Variants in HERC1 observed in about 807,000 individuals in gnomAD.
The protein encoded by HERC1 is probable E3 ubiquitin-protein ligase HERC1.
In HERC1, 160 loss-of-function variants were observed where a neutral mutation model predicts 554.3. The ratio of observed to expected loss-of-function variants is 0.29; its 90% CI spans 0.25 to 0.33. The LOEUF (loss-of-function observed/expected upper bound fraction) is 0.33, where lower values mean the gene tolerates loss of function less well. Among genes scored for constraint, HERC1 ranks in the 10% least tolerant of loss-of-function variants. The pLI is 1.00. For synonymous variants in HERC1, 2,175 were observed against 2,131.7 expected, an observed-to-expected ratio of 1.02 and a Z score of -0.56; for missense variants, 4,919 against 5,918.5, an observed-to-expected ratio of 0.83 and a Z score of 5.54.
intron 40 of HERC1, 66 bp downstream of exon 40, chr15:63,669,472 C>T: frequency 2.7e-6 from 4 of 1,459,368 alleles, no homozygotes; most frequent in Non-Finnish European, 3.8e-6. Context: ...ACAATGCCCA[C>T]ATAATAAAGT....
At position 63,780,707 on chromosome 15, in the gene HERC1, A is replaced by G. The variant is rs1027437883; in HGVS notation, c.-26-5058T>C. ...ACTGCACTCCAGCCTGGGCAACACA[A>G]TGAGACTCCGTTTCAAAAAAAAAAA... On this transcript the variant is annotated intron_variant, in intron 1 of 77. Coordinates refer to ENST00000443617, the MANE Select transcript of HERC1 (RefSeq NM_003922.4). 7.9e-5 allele frequency among the ~76,000 whole-genome samples: 12 copies of G among 151,970 alleles called. No homozygotes were observed. The East Asian group carries it at 1.9e-3, about 25-fold the overall frequency.
chr15:63,799,500 TAAA>T (rs886494086), intron 1 of HERC1, among the ~76,000 whole-genome samples: 1 of 138,886 alleles, frequency 7.2e-6, no homozygotes. Context: ...ACTCTGCCTC[TAAA>T]AAAAAAAAAA....
At chr15:63,682,608 C>A (rs927417216) in intron 34 of HERC1, among the ~76,000 whole-genome samples, 1 of 152,080 alleles carries the variant, frequency 6.6e-6, no homozygotes, top group Non-Finnish European at 1.5e-5. Flanking sequence ...CCCATCTCTA[C>A]AAAATATACA....
chr15:63,788,818 G>C (rs902724829), intron 1 of HERC1, among the ~76,000 whole-genome samples: 1 of 150,512 alleles, frequency 6.6e-6, no homozygotes, highest in Non-Finnish European at 1.5e-5. Flanking sequence ...TTGGAGGCTG[G>C]GGCAGGAGAT....
Position 63,610,229 on chromosome 15 carries a change from CTA to C in HERC1, c.14401-965_14401-964del, listed in dbSNP as rs1473810070. Among the ~76,000 whole-genome samples the C allele has an allele frequency of 2.0e-5, 3 of 152,242 alleles. No individual in the cohort carries two copies. In the East Asian group the frequency reaches 5.8e-4, roughly 29 times the overall value. On this transcript the variant is annotated intron_variant, in intron 77 of 77. Coordinates refer to ENST00000443617, the MANE Select transcript of HERC1 (RefSeq NM_003922.4). ...ACACCTAGGTAAGCCACATGTCCTG[CTA>C]TGGGAGGTGGATGGCCCAGCAGCCC...
At chr15:63,681,868 A>C (rs797003368) in intron 34 of HERC1, among the ~76,000 whole-genome samples, 44 of 152,296 alleles carry the variant, frequency 2.9e-4, no homozygotes, top group African/African-American at 9.9e-4. Flanking sequence ...AAGGAAGCCT[A>C]CAGGATTCTT....
chr15:63,640,122 G>A, intron 61 of HERC1, 30 bp downstream of exon 61: 1 of 1,601,780 alleles, frequency 6.2e-7, no homozygotes, highest in East Asian at 2.2e-5. Flanking sequence ...AATCTCAGCT[G>A]CAAATAATAG....
At chr15:63,667,562 T>C (rs1047918742) in intron 40 of HERC1, among the ~76,000 whole-genome samples, 4 of 152,032 alleles carry the variant, frequency 2.6e-5, no homozygotes, top group African/African-American at 7.2e-5. Context: ...CCAAAACAAA[T>C]AATAATTTAT....
At chr15:63,685,003 C>T (rs957975753) in intron 34 of HERC1, among the ~76,000 whole-genome samples, 3 of 152,094 alleles carry the variant, frequency 2.0e-5, no homozygotes, top group African/African-American at 4.8e-5. Context: ...AGCAAGACTC[C>T]GTCTCAACCA....
At position 63,692,698 on chromosome 15, in the gene HERC1, T is replaced by C. The variant is rs2072175458; in HGVS notation, c.5675-132A>G. The C allele has an allele frequency of 1.3e-6, 1 of 794,708 alleles. No individual in the cohort carries two copies. The highest frequency in any genetic ancestry group is 2.8e-5 in the East Asian group (1 of 35,690). The allele number at this position is 794,708 out of a possible 1,614,324, so 49.2% of individuals were successfully genotyped here. On this transcript the variant is annotated intron_variant, in intron 30 of 77. Transcript: ENST00000443617. The surrounding 1 kb of genome is among the most constrained non-coding windows in gnomAD (Gnocchi z 4.7). The stretch of plus-strand genomic sequence containing the variant: ...TCTTAGGCTGTCAGCTACTGAATTC[T>C]GAAAACTTAAAGAACAGAATGGGGA...
rs538672988 is a variant in HERC1 at position 63,692,260 on chromosome 15, T to C, written c.5830+151A>G. 11 of 539,464 alleles carry C rather than the reference T, an allele frequency of 2.0e-5. No homozygotes were observed. In the East Asian group the frequency reaches 2.8e-4, roughly 14 times the overall value. The allele number at this position is 539,464 out of a possible 1,614,324, so 33.4% of individuals were successfully genotyped here. On this transcript the variant is annotated intron_variant, in intron 31 of 77. Transcript: ENST00000443617. This position sits in a 1 kb window ranked among gnomAD's most constrained non-coding sequence, Gnocchi z 4.7. ...CCAATTTTTACTTCTGAAATTAGAG[T>C]TTTCTTTTGATCAAATAGGTACGCA... is the stretch of plus-strand genomic sequence containing the variant.
chr15:63,808,842 A>T (rs1012456883), intron 1 of HERC1, among the ~76,000 whole-genome samples: 2 of 152,164 alleles, frequency 1.3e-5, no homozygotes, highest in African/African-American at 4.8e-5. Context: ...TGTAGAAAAA[A>T]ATCACCTCCC....
In HERC1 at chr15:63,696,309, C is replaced by T. The variant is rs780370483; in HGVS notation, c.4936G>A (p.Val1646Ile). 1.2e-5 allele frequency: 19 copies of T among 1,612,462 alleles called. No individual in the cohort carries two copies. The highest frequency in any genetic ancestry group is 2.2e-5 in the East Asian group (1 of 44,834). ...TTTTCTTCCATCCCAGACAATAGAA[C>T]GAGGATCTGATGAAGTGCCTCTAAA... The part of the protein sequence containing the change: ...LRLEALHQIL[V>I]LLSGMEEKGS... Residue 1646 changes from valine (V) to isoleucine (I), a missense_variant, in exon 27 of 78, where the codon GTT becomes ATT. Around this residue, in one of 11 missense-constraint regions of HERC1, gnomAD observed 1,121 missense variants for 1,244.0 expected, o/e 0.90. Coordinates refer to ENST00000443617, the MANE Select transcript of HERC1 (RefSeq NM_003922.4).
intron 22 of HERC1, 90 bp from the exon 23 acceptor site, chr15:63,713,755 C>A: frequency 1.7e-6 from 2 of 1,159,326 alleles, no homozygotes; most frequent in Non-Finnish European, 2.4e-6. Flanking sequence ...AAGTTTGGAC[C>A]AAAAACTTAC....
chr15:63,624,005 T>A, intron 72 of HERC1, 115 bp from the exon 73 acceptor site: 1 of 1,295,434 alleles, frequency 7.7e-7, no homozygotes, highest in Non-Finnish European at 1.1e-6. Flanking sequence ...AGCACTGTGC[T>A]AGGCCCACTG....
Position 63,775,605 on chromosome 15 carries a change from G to T in HERC1, c.19C>A (p.Pro7Thr), listed in dbSNP as rs778448004. Residue 7 changes from proline (P) to threonine (T), a missense_variant, in exon 2 of 78, where the codon CCA becomes ACA. By Grantham distance (38) the Pro-to-Thr change is conservative. Coordinates refer to ENST00000443617, the MANE Select transcript of HERC1 (RefSeq NM_003922.4). The surrounding 1 kb of genome is among the most constrained non-coding windows in gnomAD (Gnocchi z 4.0). The part of the protein sequence containing the change: MATMIP[P>T]VKLKWLEHLN... Reference sequence around the variant, plus strand: ...TGTTCAAGCCATTTCAGCTTCACTGGTGGAATCATAGTTGCCATGTTGATT... The same window carrying T: ...TGTTCAAGCCATTTCAGCTTCACTGTTGGAATCATAGTTGCCATGTTGATT... The T allele has an allele frequency of 8.1e-6, 13 of 1,599,532 alleles. No individual in the cohort carries two copies. Among genetic ancestry groups the T allele is most frequent in the Non-Finnish European group, 1.1e-5 (13 of 1,173,960 alleles).
intron 1 of HERC1, among the ~76,000 whole-genome samples, chr15:63,808,298 T>C (rs1417603802): frequency 6.6e-6 from 1 of 152,204 alleles, no homozygotes; most frequent in Non-Finnish European, 1.5e-5. Context: ...ACTTTTTCTT[T>C]CCTCAAAGAA....
chr15:63,753,305 A>G (rs2075311616), intron 7 of HERC1, among the ~76,000 whole-genome samples: 1 of 152,236 alleles, frequency 6.6e-6, no homozygotes, highest in Admixed American at 6.5e-5. Context: ...TCAAGCAATT[A>G]AAATCAAGCA....
chr15:63,762,697 A>G (rs567100382), intron 3 of HERC1, among the ~76,000 whole-genome samples: 1 of 152,266 alleles, frequency 6.6e-6, no homozygotes, highest in East Asian at 1.9e-4. Context: ...TAAATTGAAA[A>G]CTGGTAAATA....
Sources: gnomAD v4.1 joint callset for allele counts (sites outside exome capture counted in the v4.1 genomes callset) on GRCh38, gnomAD v4.1.1 for gene constraint, gnomAD v4.1.1 regional missense constraint, Gnocchi (gnomAD v3.1) non-coding constraint, MANE v1.5 for transcripts, NCBI Gene and HGNC (gene_info 2026-07-23, HGNC 2026-07-21) for gene names.